The following ABCA10 variants were observed in gnomAD, a reference collection of about 807,000 sequenced individuals.
The protein encoded by ABCA10 is ATP-binding cassette sub-family A member 10.
In ABCA10, 169 loss-of-function variants were observed where a neutral mutation model predicts 187.5. The observed-to-expected ratio is 0.90, with a 90% CI of 0.80 to 1.02. The LOEUF is 1.02. Among genes scored for constraint, ABCA10 ranks in the 50% least tolerant of loss-of-function variants. ABCA10 has a pLI of 0.00. For missense variants in ABCA10, 1,727 were observed against 1,812.4 expected, an observed-to-expected ratio of 0.95 and a Z score of 0.86; for synonymous variants, 574 against 601.8, an observed-to-expected ratio of 0.95 and a Z score of 0.68.
Position 69,193,598 on chromosome 17 carries a change from T to C in ABCA10, c.1536A>G (p.Ile512Met). ...KEVEQEVKRIIMELDMQSIQD... is the reference protein window; with the variant it reads ...KEVEQEVKRIMMELDMQSIQD... ...GAATGCTTTGCATGTCTAATTCCAT[T>C]ATAATTCTTTTTACCTATCAAAGAA... is the stretch of plus-strand genomic sequence containing the variant. Residue 512 changes from isoleucine (I) to methionine (M), a missense_variant, in exon 14 of 39, where the codon ATA becomes ATG. Ile to Met is a conservative substitution (Grantham distance 10, BLOSUM62 1). Coordinates refer to ENST00000690296, the MANE Select transcript of ABCA10 (RefSeq NM_001377321.1). 1 of 1,606,942 alleles carries C rather than the reference T, an allele frequency of 6.2e-7. No homozygotes were observed. The highest frequency in any genetic ancestry group is 8.5e-7 in the Non-Finnish European group (1 of 1,175,722).
In ABCA10 at chr17:69,193,870, T is replaced by C. The variant is rs747031272; in HGVS notation, c.1465A>G (p.Asn489Asp). 2.5e-6 allele frequency: 4 copies of C among 1,613,602 alleles called. No individual in the cohort carries two copies. The East Asian group carries it at 8.9e-5, about 36-fold the overall frequency. The stretch of plus-strand genomic sequence containing the variant: ...TTTATTTTAGCAAATACCCTGAGGT[T>C]TTCTCTCACAGTGAGGAAGTCAAAT... ...FQFDFLTVRE[N>D]LRVFAKIKGI... Residue 489 changes from asparagine to aspartate, a missense_variant, in exon 13 of 39, where the codon AAC becomes GAC. Physicochemically the swap from Asn to Asp is conservative, Grantham distance 23. Coordinates refer to ENST00000690296, the MANE Select transcript of ABCA10 (RefSeq NM_001377321.1).
chr17:69,156,957 C>A, intron 27 of ABCA10, 34 bp from the exon 28 acceptor site: 1 of 1,333,110 alleles, frequency 7.5e-7, no homozygotes, highest in South Asian at 1.4e-5. Context: ...GAATTAGCAT[C>A]ACCATGGCAT....
intron 5 of ABCA10, 76 bp from the exon 6 acceptor site, chr17:69,219,847 T>C (rs2074733487): frequency 7.9e-6 from 8 of 1,019,000 alleles, no homozygotes; most frequent in Admixed American, 5.5e-5. Context: ...CTTTTTATTT[T>C]CGATTTCAAT....
rs2074163975 is a variant in ABCA10, at chr17:69,155,130, C to G, written c.3583G>C (p.Val1195Leu). The change falls in exon 30 of 39, where the codon GTC (valine) becomes CTC (leucine). Residue 1195 changes from valine to leucine, a missense_variant. Transcript: ENST00000690296. Reference protein sequence around the residue: ...LTAPNLEEEPVITASCLHKEY... With the variant: ...LTAPNLEEEPLITASCLHKEY... ...TTGTGTAAACAGCTTGCAGTTATGA[C>G]TGGTTCCTGGAAAACATGACAAAGC... 1 of 1,597,848 alleles carries G rather than the reference C, an allele frequency of 6.3e-7. No homozygotes were observed. Among genetic ancestry groups the G allele is most frequent in the Non-Finnish European group, 8.5e-7 (1 of 1,170,444 alleles).
At chr17:69,155,735 C>A in intron 29 of ABCA10, 70 bp downstream of exon 29, 5 of 1,505,044 alleles carry the variant, frequency 3.3e-6, no homozygotes, top group East Asian at 2.4e-5. Flanking sequence ...AAATAAAAAC[C>A]AACATCTCAT....
intron 25 of ABCA10, 134 bp downstream of exon 25, chr17:69,174,144 CAAT>C (rs2074315892): frequency 1.8e-6 from 1 of 542,566 alleles, no homozygotes; most frequent in African/African-American, 2.0e-5. Flanking sequence ...CATGGTACAA[CAAT>C]AATGAAAGTA....
At chr17:69,201,349 C>A (rs907145417) in intron 10 of ABCA10, 151 bp downstream of exon 10, 4 of 682,864 alleles carry the variant, frequency 5.9e-6, no homozygotes, top group African/African-American at 5.6e-5. Context: ...ACAGTATTCA[C>A]TTTGAAAATG....
At position 69,190,428 on chromosome 17, in the gene ABCA10, A is replaced by G. The variant is rs2074451305; in HGVS notation, c.2061T>C (p.Tyr687=). 6.3e-7 allele frequency: 1 copy of G among 1,588,636 alleles called. No homozygotes were observed. The highest frequency in any genetic ancestry group is 8.5e-7 in the Non-Finnish European group (1 of 1,173,030). ...CATTCAGAGATGTCACTGAAACAGCATAATTCCTTATGCCCTGGTCAGAAC... is the reference window on the plus strand; with the variant it reads ...CATTCAGAGATGTCACTGAAACAGCGTAATTCCTTATGCCCTGGTCAGAAC... The part of the protein sequence containing the change: ...DKCSDQGIRN[Y]AVSVTSLNEV... Residue 687 remains tyrosine, a synonymous_variant, in exon 18 of 39, where the codon TAT becomes TAC. Transcript: ENST00000690296.
chr17:69,160,620 CAAAA>C (rs1018413772), intron 27 of ABCA10, among the ~76,000 whole-genome samples: 1 of 151,342 alleles, frequency 6.6e-6, no homozygotes, highest in African/African-American at 2.4e-5. Flanking sequence ...AACAAACAAA[CAAAA>C]AAACCAAATA....
chr17:69,212,127 T>C (rs546395386), intron 9 of ABCA10, among the ~76,000 whole-genome samples: 1 of 152,198 alleles, frequency 6.6e-6, no homozygotes, highest in Non-Finnish European at 1.5e-5. Flanking sequence ...CCATGAACTT[T>C]CTTTTTAGCA....
chr17:69,221,886 C>T lies in ABCA10; in HGVS notation c.209G>A (p.Trp70Ter), dbSNP rs553321163. 6.2e-7 allele frequency: 1 copy of T among 1,609,098 alleles called. No homozygotes were observed. The highest frequency in any genetic ancestry group is 2.2e-5 in the East Asian group (1 of 44,772). Residue 70 changes from tryptophan to a stop codon, truncating the protein, a stop_gained, in exon 5 of 39, where the codon TGG becomes TAG. Transcript: ENST00000690296. LOFTEE classifies it high-confidence loss of function. The part of the protein sequence containing the change: ...KEHSEYTEHC[W>*]AMHGEIFCYL... ...ACAAAAAATTTCACCATGCATGGCC[C>T]AACAGTGTTCTTTAAGGAAGAAGAA...
At chr17:69,209,716 G>GA (rs1455830903) in intron 9 of ABCA10, among the ~76,000 whole-genome samples, 2 of 81,806 alleles carry the variant, frequency 2.4e-5, no homozygotes, top group African/African-American at 5.5e-5. Flanking sequence ...GATACCTTCT[G>GA]AGAATGTGTC....
chr17:69,168,157 A>AAT (rs925705624), intron 25 of ABCA10, among the ~76,000 whole-genome samples: 10 of 152,128 alleles, frequency 6.6e-5, no homozygotes, highest in African/African-American at 1.9e-4. Flanking sequence ...TACAGTATAT[A>AAT]ATATATATAT....
At chr17:69,172,543 G>T (rs2074305794) in intron 25 of ABCA10, among the ~76,000 whole-genome samples, 1 of 152,088 alleles carries the variant, frequency 6.6e-6, no homozygotes, top group Non-Finnish European at 1.5e-5. Context: ...CTGACCTCTA[G>T]AATTGTGAGA....
At chr17:69,205,371 T>C (rs1054371932) in intron 9 of ABCA10, among the ~76,000 whole-genome samples, 1 of 152,216 alleles carries the variant, frequency 6.6e-6, no homozygotes. Flanking sequence ...AAGGCACATA[T>C]ATGCATTTAT....
At chr17:69,228,123 T>C (rs1247613623) in intron 1 of ABCA10, among the ~76,000 whole-genome samples, 1 of 151,990 alleles carries the variant, frequency 6.6e-6, no homozygotes, top group African/African-American at 2.4e-5. Context: ...ATCTCTAAAT[T>C]CTAACTTAAG....
At chr17:69,178,784 T>C (rs1476309496) in intron 22 of ABCA10, 2 of 152,198 alleles carry the variant, frequency 1.3e-5, no homozygotes, top group Non-Finnish European at 2.9e-5. Flanking sequence ...TATTGTTTTC[T>C]TTAAAAAGAA....
upstream of ABCA10, among the ~76,000 whole-genome samples, chr17:69,232,429 GAC>G (rs1348619579): frequency 1.3e-5 from 2 of 151,402 alleles, no homozygotes; most frequent in African/African-American, 4.9e-5. Context: ...CCGTAAGGCT[GAC>G]AAAAAAACAT....
chr17:69,211,338 T>TACACAC (rs2074653842), intron 9 of ABCA10, among the ~76,000 whole-genome samples: 3 of 114,144 alleles, frequency 2.6e-5, no homozygotes. Context: ...TATATATATA[T>TACACAC]ATATATATAT....
Sources: gnomAD v4.1 joint callset for allele counts (sites outside exome capture counted in the v4.1 genomes callset) on GRCh38, gnomAD v4.1.1 for gene constraint, MANE v1.5 for transcripts, NCBI Gene and HGNC (gene_info 2026-07-23, HGNC 2026-07-21) for gene names.